The following ZNF397 variants were observed in gnomAD, a reference collection of about 807,000 sequenced individuals.
ZNF397 encodes zinc finger protein 397, also known as zinc finger and SCAN domain-containing protein 15.
ZNF397 carries 38 observed loss-of-function variants against 50.6 expected under a neutral mutation model. That is an observed-to-expected ratio of 0.75 (90% CI 0.58 to 0.98). The LOEUF is 0.98. Among genes scored for constraint, ZNF397 ranks in the 50% least tolerant of loss-of-function variants. The probability of loss-of-function intolerance (pLI) is 0.00; values close to 1 mark genes in which losing one functional copy is unlikely to be tolerated. For synonymous variants in ZNF397, 228 were observed against 215.2 expected (o/e 1.06, Z -0.52); for missense variants, 624 against 624.1 (o/e 1.00, Z 0.00).
chr18:35,253,093 G>T, downstream of ZNF397: 1 of 182,576 alleles, frequency 5.5e-6, no homozygotes, highest in Non-Finnish European at 1.1e-5. Flanking sequence ...CTTATAAGAA[G>T]CTCTTTCAGG....
At chr18:35,253,733 A>T, downstream of ZNF397, 1 of 1,614,148 alleles carries the variant, frequency 6.2e-7, no homozygotes, top group Admixed American at 1.7e-5. Context: ...CTTATGCTGA[A>T]TAAGGGCTGA....
rs1244199001 is a variant in ZNF397, at chr18:35,246,289, A to G, written c.1584A>G (p.Gln528=). 1.3e-6 allele frequency: 2 copies of G among 1,548,242 alleles called. No individual in the cohort carries two copies. Among genetic ancestry groups the G allele is most frequent in the Middle Eastern group, 1.7e-4 (1 of 5,978 alleles). ...FRHRSVLMRH[Q]RVHTIK Reference sequence around the variant, plus strand: ...ACAGATCGGTCCTTATGCGCCATCAAAGAGTCCACACTATAAAGTAATTTG... The same window carrying G: ...ACAGATCGGTCCTTATGCGCCATCAGAGAGTCCACACTATAAAGTAATTTG... The change falls in exon 4 of 4, where the codon CAA becomes CAG. Residue 528 remains glutamine (Q), a synonymous_variant. Coordinates refer to ENST00000330501, the MANE Select transcript of ZNF397 (RefSeq NM_001135178.3).
At chr18:35,241,246 G>A (rs1464916026) in intron 1 of ZNF397, 137 bp downstream of exon 1, 3 of 152,242 alleles carry the variant, frequency 2.0e-5, no homozygotes, top group Non-Finnish European at 4.4e-5. Flanking sequence ...AGCGACTGGG[G>A]AACTCAGAGG....
At chr18:35,251,515 T>A (rs528307553), downstream of ZNF397, 1 of 152,282 alleles carries the variant, frequency 6.6e-6, no homozygotes, top group South Asian at 2.1e-4. Flanking sequence ...AGCAGTGATA[T>A]GGTTTGGCTC....
At chr18:35,253,868 G>A, downstream of ZNF397, 2 of 1,614,064 alleles carry the variant, frequency 1.2e-6, no homozygotes, top group Non-Finnish European at 1.7e-6. Context: ...ACATTCATAG[G>A]GTTTTTCACC....
At chr18:35,250,376 C>T (rs930512979), downstream of ZNF397, among the ~76,000 whole-genome samples, 20 of 152,284 alleles carry the variant, frequency 1.3e-4, no homozygotes, top group East Asian at 1.5e-3. Context: ...TTTTCGTCTT[C>T]ACCACTCTTG....
At chr18:35,254,585 G>T, downstream of ZNF397, 1 of 835,668 alleles carries the variant, frequency 1.2e-6, no homozygotes, top group East Asian at 2.7e-5. Flanking sequence ...ACAAAGAAAT[G>T]AATTAGTATT....
chr18:35,258,003 C>A (rs1359691337), exon 6 of ZNF397: 3 of 780,764 alleles, frequency 3.8e-6, no homozygotes, highest in Non-Finnish European at 7.2e-6. Flanking sequence ...TCTGGCAAGG[C>A]ATATCATGAG....
chr18:35,245,472 G>C lies in ZNF397; in HGVS notation c.767G>C (p.Arg256Thr). The change falls in exon 4 of 4, where the codon AGA (arginine) becomes ACA (threonine). Residue 256 changes from arginine to threonine, a missense_variant. Arg to Thr is a moderately conservative substitution (Grantham distance 71). Transcript: ENST00000330501. ...VIFTNKSLGK[R>T]DLYDEAERCL... ...TTCACAAACAAATCTCTAGGAAAGA[G>C]AGACCTTTATGATGAGGCTGAAAGA... 6.4e-7 allele frequency: 1 copy of C among 1,553,126 alleles called. No homozygotes were observed. The highest frequency in any genetic ancestry group is 8.7e-7 in the Non-Finnish European group (1 of 1,147,568).
In ZNF397 at chr18:35,241,093, C is replaced by T. The variant is rs1302531844; in HGVS notation, c.-97C>T. On this transcript the variant is annotated 5_prime_UTR_variant, in exon 1 of 4. Coordinates refer to ENST00000330501, the MANE Select transcript of ZNF397 (RefSeq NM_001135178.3). ...CGGGGTGGGTGGCTCATTTCCTGGC[C>T]GCTCCTGGGCTTCGCGGTGAGGGAC... 1 of 152,298 alleles carries T rather than the reference C, an allele frequency of 6.6e-6. No individual in the cohort carries two copies. The highest frequency in any genetic ancestry group is 6.6e-5 in the Admixed American group (1 of 15,256). The allele number at this position is 152,298 out of a possible 1,614,324, so 9.4% of individuals were successfully genotyped here.
At position 35,247,180 on chromosome 18, in the gene ZNF397, C is replaced by A. The variant is rs2043496097; in HGVS notation, c.*870C>A. The A allele has an allele frequency of 1.0e-6, 1 of 985,302 alleles. No homozygotes were observed. Among genetic ancestry groups the A allele is most frequent in the South Asian group, 4.7e-5 (1 of 21,288 alleles). 61.0% of individuals were successfully genotyped at this position (985,302 alleles called of 1,614,324 possible). A position where few individuals can be genotyped will look rare whatever the true frequency, so the allele number is the denominator to read the frequency against. ...TCTGTCAGAGAAGTCTGGGTCTGGC[C>A]AGACTCTTAAGCAGTGCCAATGGAG... On this transcript the variant is annotated 3_prime_UTR_variant, in exon 4 of 4. Coordinates refer to ENST00000330501, the MANE Select transcript of ZNF397 (RefSeq NM_001135178.3).
At chr18:35,250,066 A>G (rs1036194684), downstream of ZNF397, among the ~76,000 whole-genome samples, 1 of 152,254 alleles carries the variant, frequency 6.6e-6, no homozygotes, top group Non-Finnish European at 1.5e-5. Flanking sequence ...GTAAAATGAC[A>G]ATGGTAAACA....
rs1157669596 is a variant in ZNF397, at chr18:35,248,350, G to A, written c.*2040G>A. ...GCCTAAATGCCCATGTTTAGGGAGA[G>A]AATATGGAAAAAATGGATGGGATTA... On this transcript the variant is annotated 3_prime_UTR_variant, in exon 4 of 4. Transcript: ENST00000330501. 6.6e-6 allele frequency: 1 copy of A among 152,032 alleles called. No homozygotes were observed. Among genetic ancestry groups the A allele is most frequent in the Admixed American group, 6.5e-5 (1 of 15,278 alleles). 9.4% of individuals were successfully genotyped at this position (152,032 alleles called of 1,614,324 possible).
At chr18:35,244,246 A>G (rs1230473776) in intron 3 of ZNF397, 1 of 154,300 alleles carries the variant, frequency 6.5e-6, no homozygotes, top group Admixed American at 6.5e-5. Context: ...TGAGGATGAT[A>G]CTGAGGTTTC....
chr18:35,254,679 T>C (rs1478103136), downstream of ZNF397: 2 of 464,350 alleles, frequency 4.3e-6, no homozygotes, highest in Admixed American at 3.5e-5. Flanking sequence ...ACCAGGAAGC[T>C]AGGAGACAAT....
rs566187446 is a variant in ZNF397 at position 35,246,219 on chromosome 18, G to A, written c.1514G>A (p.Gly505Glu). The A allele has an allele frequency of 2.8e-4, 436 of 1,552,150 alleles. 4 individuals are homozygous for A. The South Asian group carries it at 3.0e-3, about 11-fold the overall frequency. Residue 505 changes from glycine (G) to glutamate (E), a missense_variant, in exon 4 of 4, where the codon GGG (glycine) becomes GAG (glutamate). Physicochemically the swap from Gly to Glu is moderately conservative, Grantham distance 98. Transcript: ENST00000330501. Reference sequence around the variant, plus strand: ...GTTCAGCATCAGAGAATTCATTCTGGGGATGAAGCTTATATATGTAATGAA... The same window carrying A: ...GTTCAGCATCAGAGAATTCATTCTGAGGATGAAGCTTATATATGTAATGAA... ...ALVQHQRIHS[G>E]DEAYICNECG...
In ZNF397 at chr18:35,245,445, T is replaced by C. The variant is rs747663550; in HGVS notation, c.740T>C (p.Ile247Thr). 2.6e-6 allele frequency: 4 copies of C among 1,557,730 alleles called. No individual in the cohort carries two copies. In the East Asian group the frequency reaches 9.7e-5, roughly 38 times the overall value. The change falls in exon 4 of 4, where the codon ATC becomes ACC. Residue 247 changes from isoleucine (I) to threonine (T), a missense_variant. Coordinates refer to ENST00000330501, the MANE Select transcript of ZNF397 (RefSeq NM_001135178.3). ...PSQGGSFSQV[I>T]FTNKSLGKRD... ...CAAGGGGGCAGTTTTAGTCAAGTGATCTTCACAAACAAATCTCTAGGAAAG... is the reference window on the plus strand; with the variant it reads ...CAAGGGGGCAGTTTTAGTCAAGTGACCTTCACAAACAAATCTCTAGGAAAG...
intron 1 of ZNF397, 86 bp from the exon 2 acceptor site, chr18:35,242,300 CAATAT>C (rs1912563445): frequency 1.7e-6 from 1 of 582,886 alleles, no homozygotes; most frequent in African/African-American, 1.9e-5. Flanking sequence ...TACTCCCTTT[CAATAT>C]ATTACTAAAG....
In ZNF397 at chr18:35,242,601, C is replaced by T. The variant is rs1410009915; in HGVS notation, c.131C>T (p.Ser44Phe). ...TTTAAGCAGAATGGGAGTACTCAAT[C>T]CTGCCAAGAATTGTTTCGTCAGCAA... ...EKFKQNGSTQ[S>F]CQELFRQQFR... The change falls in exon 2 of 4, where the codon TCC (serine) becomes TTC (phenylalanine). Residue 44 changes from serine (S) to phenylalanine (F), a missense_variant. Physicochemically the swap from Ser to Phe is radical, Grantham distance 155. Coordinates refer to ENST00000330501, the MANE Select transcript of ZNF397 (RefSeq NM_001135178.3). The T allele has an allele frequency of 6.2e-7, 1 of 1,614,090 alleles. No homozygotes were observed. Among genetic ancestry groups the T allele is most frequent in the Admixed American group, 1.7e-5 (1 of 60,006 alleles).
Sources: allele counts gnomAD v4.1 joint callset (sites outside exome capture counted in the v4.1 genomes callset), GRCh38; gene constraint gnomAD v4.1.1; transcripts MANE v1.5; gene names NCBI Gene and HGNC (gene_info 2026-07-23, HGNC 2026-07-21).